Variants in EXOC1L observed in about 807,000 individuals in gnomAD.
EXOC1L encodes the protein exocyst complex component 1 like.
EXOC1L carries 10 observed loss-of-function variants against 4.9 expected under a neutral mutation model. That is an observed-to-expected ratio of 2.02 (90% CI 1.25 to 3.43). The LOEUF (loss-of-function observed/expected upper bound fraction) is 3.43. EXOC1L is among the 30% of genes most tolerant of loss of function. EXOC1L has a pLI of 0.00. For missense variants in EXOC1L, 114 were observed against 59.4 expected, an observed-to-expected ratio of 1.92 and a Z score of -3.02; for synonymous variants, 41 against 20.8, an observed-to-expected ratio of 1.97 and a Z score of -2.63.
At chr4:55,831,996 C>A (rs549512886) in intron 2 of EXOC1L, among the ~76,000 whole-genome samples, 1 of 151,940 alleles carries the variant, frequency 6.6e-6, no homozygotes, top group Non-Finnish European at 1.5e-5. Context: ...GATGGAGAAC[C>A]CTTCCCCCTT....
At chr4:55,825,132 T>C (rs1719848175) in intron 1 of EXOC1L, among the ~76,000 whole-genome samples, 1 of 152,216 alleles carries the variant, frequency 6.6e-6, no homozygotes, top group Admixed American at 6.5e-5. Flanking sequence ...CACAAGTCCA[T>C]TTAGTACCAT....
intron 1 of EXOC1L, among the ~76,000 whole-genome samples, chr4:55,824,843 T>G (rs1719841720): frequency 6.6e-6 from 1 of 152,190 alleles, no homozygotes; most frequent in South Asian, 2.1e-4. Context: ...ATATTATCAT[T>G]ATCTCTAAAA....
chr4:55,831,582 C>T (rs984565246), intron 2 of EXOC1L, 118 bp downstream of exon 2: 5 of 472,504 alleles, frequency 1.1e-5, no homozygotes, highest in Admixed American at 8.3e-5. Flanking sequence ...TTATATTGTT[C>T]GTAAGTGGCA....
At chr4:55,825,091 T>G (rs976906416) in intron 1 of EXOC1L, among the ~76,000 whole-genome samples, 2 of 152,184 alleles carry the variant, frequency 1.3e-5, no homozygotes, top group African/African-American at 4.8e-5. Context: ...ATAAAAGGGA[T>G]AGCTGTAAGG....
At chr4:55,826,922 C>G (rs932415312) in intron 1 of EXOC1L, among the ~76,000 whole-genome samples, 4 of 152,140 alleles carry the variant, frequency 2.6e-5, no homozygotes, top group African/African-American at 9.7e-5. Flanking sequence ...GGACAGTGAC[C>G]ATTAATGTAA....
chr4:55,822,415 C>T (rs1310276101), intron 1 of EXOC1L, among the ~76,000 whole-genome samples: 1 of 152,190 alleles, frequency 6.6e-6, no homozygotes, highest in Admixed American at 6.5e-5. Flanking sequence ...CTCCCTGGAA[C>T]TAGCGTCCCC....
intron 1 of EXOC1L, among the ~76,000 whole-genome samples, chr4:55,826,085 C>CA (rs34455273): frequency 0.29 from 22,370 of 78,112 alleles, 2,502 homozygotes; most frequent in East Asian, 0.62. Flanking sequence ...AACTCCATCT[C>CA]AAAAAAAAAA....
At chr4:55,836,635 T>C (rs1302634049) in intron 2 of EXOC1L, among the ~76,000 whole-genome samples, 1 of 152,012 alleles carries the variant, frequency 6.6e-6, no homozygotes, top group East Asian at 1.9e-4. Context: ...AAATTGGTGA[T>C]CTGTAGCATG....
At chr4:55,823,586 C>T (rs1719799730) in intron 1 of EXOC1L, among the ~76,000 whole-genome samples, 1 of 152,186 alleles carries the variant, frequency 6.6e-6, no homozygotes, top group Non-Finnish European at 1.5e-5. Flanking sequence ...AACAATTATG[C>T]AGGCCAAAAT....
intron 1 of EXOC1L, among the ~76,000 whole-genome samples, chr4:55,821,874 C>A (rs1256383446): frequency 6.6e-6 from 1 of 152,166 alleles, no homozygotes; most frequent in Non-Finnish European, 1.5e-5. Context: ...AATGTAACAC[C>A]TTTTTATGGC....
chr4:55,831,532 C>G (rs1720032343), intron 2 of EXOC1L, 68 bp downstream of exon 2: 1 of 598,406 alleles, frequency 1.7e-6, no homozygotes, highest in Middle Eastern at 2.7e-4. Flanking sequence ...CAATATCCTG[C>G]TTCATATATT....
chr4:55,828,720 T>C (rs1719945337), intron 1 of EXOC1L, among the ~76,000 whole-genome samples: 1 of 152,124 alleles, frequency 6.6e-6, no homozygotes, highest in Non-Finnish European at 1.5e-5. Flanking sequence ...GGTGCATTCC[T>C]GTAGTCCCAG....
At chr4:55,828,375 C>T (rs1200152344) in intron 1 of EXOC1L, among the ~76,000 whole-genome samples, 1 of 152,178 alleles carries the variant, frequency 6.6e-6, no homozygotes, top group Non-Finnish European at 1.5e-5. Context: ...AATAAAGGGA[C>T]TTAACGGGAT....
intron 1 of EXOC1L, among the ~76,000 whole-genome samples, chr4:55,827,070 C>T (rs1719902838): frequency 6.6e-6 from 1 of 152,098 alleles, no homozygotes. Context: ...ACTTTAAATC[C>T]TTCAGTGACA....
intron 1 of EXOC1L, 139 bp downstream of exon 1, chr4:55,820,286 G>C (rs1719706200): frequency 2.6e-6 from 1 of 387,924 alleles, no homozygotes; most frequent in Non-Finnish European, 4.5e-6. Flanking sequence ...AACTATGCCA[G>C]GTTTAAGAAT....
intron 1 of EXOC1L, among the ~76,000 whole-genome samples, chr4:55,825,185 G>A (rs985906213): frequency 2.6e-5 from 4 of 152,128 alleles, no homozygotes; most frequent in African/African-American, 9.7e-5. Flanking sequence ...CAGCTTATGT[G>A]ATAGATAAAA....
chr4:55,825,422 C>T (rs1192699798), intron 1 of EXOC1L, among the ~76,000 whole-genome samples: 1 of 152,126 alleles, frequency 6.6e-6, no homozygotes, highest in African/African-American at 2.4e-5. Flanking sequence ...AAAATTGAAG[C>T]ATACAGTAGC....
intron 1 of EXOC1L, 37 bp from the exon 2 acceptor site, chr4:55,831,297 A>C (rs2110284205): frequency 1.9e-6 from 1 of 530,980 alleles, no homozygotes; most frequent in South Asian, 2.7e-5. Flanking sequence ...TTAGCTTCTA[A>C]GAATTTATGT....
intron 2 of EXOC1L, among the ~76,000 whole-genome samples, chr4:55,836,018 T>G (rs531802300): frequency 6.6e-6 from 1 of 152,064 alleles, no homozygotes; most frequent in Admixed American, 6.6e-5. Context: ...ATAAGCATTT[T>G]GCCCATGGAA....
Sources: gnomAD v4.1 joint callset for allele counts (sites outside exome capture counted in the v4.1 genomes callset) on GRCh38, gnomAD v4.1.1 for gene constraint, MANE v1.5 for transcripts, NCBI Gene and HGNC (gene_info 2026-07-23, HGNC 2026-07-21) for gene names.